Variants in CCDC7 observed in about 807,000 individuals in gnomAD.
The protein encoded by CCDC7 is coiled-coil domain-containing protein 7.
CCDC7 carries 183 observed loss-of-function variants against 196.9 expected under a neutral mutation model. The observed-to-expected ratio is 0.93, with a 90% CI of 0.82 to 1.05. The LOEUF (loss-of-function observed/expected upper bound fraction) is 1.05, where lower values mean the gene tolerates loss of function less well. Among genes scored for constraint, CCDC7 ranks in the 50% least tolerant of loss-of-function variants. The probability of loss-of-function intolerance (pLI) is 0.00; values close to 1 mark genes in which losing one functional copy is unlikely to be tolerated. For synonymous variants in CCDC7, 525 were observed against 484.6 expected (o/e 1.08, Z -1.10); for missense variants, 1,540 against 1,482.2 (o/e 1.04, Z -0.64).
intron 16 of CCDC7, 71 bp from the exon 18 acceptor site, chr10:32,582,963 A>G (rs1214397098): frequency 1.1e-6 from 1 of 891,498 alleles, no homozygotes. Context: ...ATATATTATT[A>G]AAATGATTCT....
chr10:32,589,336 T>C (rs891972756), intron 18 of CCDC7, among the ~76,000 whole-genome samples: 16 of 152,190 alleles, frequency 1.1e-4, no homozygotes, highest in Admixed American at 7.2e-4. Flanking sequence ...GATCTCATTC[T>C]TTTTATGGCT....
chr10:32,500,238 CG>C (rs1331894332), intron 9 of CCDC7, among the ~76,000 whole-genome samples: 1 of 151,358 alleles, frequency 6.6e-6, no homozygotes, highest in Non-Finnish European at 1.5e-5. Context: ...GGCTGCCCCC[CG>C]ACCTCCTGGA....
chr10:32,547,507 G>A (rs1057013144), intron 13 of CCDC7, among the ~76,000 whole-genome samples: 5 of 151,978 alleles, frequency 3.3e-5, no homozygotes, highest in Non-Finnish European at 1.5e-5. Context: ...CACTCAGAGG[G>A]GCTGGATTAT....
upstream of CCDC7, among the ~76,000 whole-genome samples, chr10:32,445,631 A>G (rs994288659): frequency 6.6e-6 from 1 of 152,240 alleles, no homozygotes; most frequent in East Asian, 1.9e-4. Flanking sequence ...ATTGCATCTT[A>G]AAGCAGTGCG....
chr10:32,642,526 A>G (rs527935857), intron 20 of CCDC7, among the ~76,000 whole-genome samples: 53 of 151,996 alleles, frequency 3.5e-4, no homozygotes, highest in African/African-American at 1.2e-3. Flanking sequence ...GAATGACCCA[A>G]TTTTCCAGGT....
intron 36 of CCDC7, 37 bp from the exon 38 acceptor site, chr10:32,846,338 AC>A: frequency 8.1e-7 from 1 of 1,228,842 alleles, no homozygotes; most frequent in South Asian, 1.3e-5. Flanking sequence ...GGTAATGTTT[AC>A]CTTATAAAGT....
chr10:32,515,014 C>G (rs2046807782), intron 9 of CCDC7, among the ~76,000 whole-genome samples: 1 of 152,032 alleles, frequency 6.6e-6, no homozygotes, highest in African/African-American at 2.4e-5. Context: ...TTTGTAGGGA[C>G]AGGGTCTTGC....
At chr10:32,465,438 A>T in intron 5 of CCDC7, among the ~76,000 whole-genome samples, 1 of 62,162 alleles carries the variant, frequency 1.6e-5, no homozygotes, top group Non-Finnish European at 3.1e-5. Context: ...TAAATTAAAC[A>T]GACTTTTTTT....
chr10:32,772,907 T>A (rs2079395837), intron 28 of CCDC7, among the ~76,000 whole-genome samples: 1 of 152,146 alleles, frequency 6.6e-6, no homozygotes, highest in Non-Finnish European at 1.5e-5. Context: ...TGCAGCCTTT[T>A]GCTTCTTTCA....
intron 30 of CCDC7, among the ~76,000 whole-genome samples, chr10:32,812,814 T>C (rs1393885429): frequency 1.3e-5 from 2 of 152,154 alleles, no homozygotes; most frequent in African/African-American, 4.8e-5. Context: ...GATCATTTGC[T>C]TGCTCATTTC....
chr10:32,819,918 T>C (rs58771760), intron 31 of CCDC7, among the ~76,000 whole-genome samples: 13,735 of 152,086 alleles, frequency 0.09, 876 homozygotes, highest in East Asian at 0.33. Context: ...GACAGGGATG[T>C]CCTCTCTCAC....
chr10:32,716,618 T>G (rs1246311962), intron 25 of CCDC7, among the ~76,000 whole-genome samples: 2 of 152,002 alleles, frequency 1.3e-5, no homozygotes, highest in Non-Finnish European at 2.9e-5. Flanking sequence ...GGATAAAGAG[T>G]GAATACCCAT....
At chr10:32,594,041 T>C (rs962211135) in intron 18 of CCDC7, among the ~76,000 whole-genome samples, 1 of 152,228 alleles carries the variant, frequency 6.6e-6, no homozygotes, top group East Asian at 1.9e-4. Context: ...GGCTCTTTTT[T>C]GGTTCCATAT....
intron 3 of CCDC7, among the ~76,000 whole-genome samples, chr10:32,457,545 C>T (rs768760874): frequency 3.3e-5 from 5 of 152,066 alleles, no homozygotes; most frequent in Admixed American, 6.5e-5. Flanking sequence ...GGATATACAC[C>T]CAGTAGTGGA....
intron 20 of CCDC7, among the ~76,000 whole-genome samples, chr10:32,646,051 A>C (rs1277549196): frequency 7.1e-6 from 1 of 140,538 alleles, no homozygotes; most frequent in East Asian, 2.1e-4. Context: ...TGATTTTATT[A>C]GTTTGTTCCT....
At chr10:32,537,657 G>C (rs1274345706) in intron 11 of CCDC7, among the ~76,000 whole-genome samples, 2 of 152,094 alleles carry the variant, frequency 1.3e-5, no homozygotes, top group Admixed American at 1.3e-4. Context: ...TTGATTTTAA[G>C]TTGATTTTTG....
At chr10:32,829,002 C>G (rs1030448735) in intron 32 of CCDC7, among the ~76,000 whole-genome samples, 1 of 152,138 alleles carries the variant, frequency 6.6e-6, no homozygotes, top group East Asian at 1.9e-4. Context: ...TTGGGCTCCT[C>G]CTACCTTTAA....
intron 29 of CCDC7, among the ~76,000 whole-genome samples, chr10:32,787,714 C>T (rs771110023): frequency 9.2e-5 from 14 of 152,174 alleles, no homozygotes; most frequent in Non-Finnish European, 1.0e-4. Context: ...CAGGCCAGCT[C>T]CTGTGGCTCT....
At chr10:32,569,696 G>A (rs1387906184) in intron 15 of CCDC7, among the ~76,000 whole-genome samples, 1 of 152,080 alleles carries the variant, frequency 6.6e-6, no homozygotes, top group Non-Finnish European at 1.5e-5. Context: ...CCAAAATGCT[G>A]GGATTACAGG....
Sources: allele counts gnomAD v4.1 joint callset (sites outside exome capture counted in the v4.1 genomes callset), GRCh38; gene constraint gnomAD v4.1.1; transcripts MANE v1.5; gene names NCBI Gene and HGNC (gene_info 2026-07-23, HGNC 2026-07-21).